The following LHX5 variants were observed in gnomAD, a reference collection of about 807,000 sequenced individuals.
LHX5 encodes LIM/homeobox protein Lhx5.
A neutral mutation model predicts 30.6 loss-of-function variants in LHX5; 5 were observed. That is an observed-to-expected ratio of 0.16 (90% CI 0.09 to 0.34). The LOEUF (loss-of-function observed/expected upper bound fraction) is 0.34. LHX5 is among the 10% of genes least tolerant of loss of function. The probability of loss-of-function intolerance (pLI) is 1.00; values close to 1 mark genes in which losing one functional copy is unlikely to be tolerated. For missense variants in LHX5, 458 were observed against 570.6 expected (o/e 0.80, Z 2.01); for synonymous variants, 266 against 252.6 (o/e 1.05, Z -0.50).
chr12:113,470,285 G>T (rs1958240449), intron 1 of LHX5, among the ~76,000 whole-genome samples: 3 of 152,166 alleles, frequency 2.0e-5, no homozygotes, highest in Non-Finnish European at 4.4e-5. Flanking sequence ...GGGCGAATTT[G>T]GGTGACATTG....
In LHX5 at chr12:113,463,010, G is replaced by C. The variant is rs2136975200; in HGVS notation, c.*180C>G. On this transcript the variant is annotated 3_prime_UTR_variant, in exon 5 of 5. Coordinates refer to ENST00000261731, the MANE Select transcript of LHX5 (RefSeq NM_022363.3). The surrounding 1 kb of genome is among the most constrained non-coding windows in gnomAD (Gnocchi z 6.7). ...CTGGAGAGCCCGCGGGGTGGAGATG[G>C]GGGTCGGCCCCCCCTCGGCGCCCAG... is the stretch of plus-strand genomic sequence containing the variant. 1.8e-6 allele frequency: 1 copy of C among 566,302 alleles called. No homozygotes were observed. The highest frequency in any genetic ancestry group is 3.5e-5 in the East Asian group (1 of 28,582). 35.1% of individuals were successfully genotyped at this position (566,302 alleles called of 1,614,324 possible). A position where few individuals can be genotyped will look rare whatever the true frequency, so the allele number is the denominator to read the frequency against.
chr12:113,463,229 C>T lies in LHX5; in HGVS notation c.1170G>A (p.Ser390=), dbSNP rs1958187439. 6.6e-7 allele frequency: 1 copy of T among 1,524,532 alleles called. No homozygotes were observed. Among genetic ancestry groups the T allele is most frequent in the Non-Finnish European group, 8.8e-7 (1 of 1,141,196 alleles). The allele number at this position is 1,524,532 out of a possible 1,614,324, so 94.4% of individuals were successfully genotyped here. A position where few individuals can be genotyped will look rare whatever the true frequency, so the allele number is the denominator to read the frequency against. ...CTTCGTTGAGCTCGGGGTTGGGATG[C>T]GACAGGGGTCCGCTGTAGCCGCTGG... ...SGTSGYSGPL[S]HPNPELNEAA... Residue 390 remains serine, a synonymous_variant, in exon 5 of 5, where the codon TCG becomes TCA. Transcript: ENST00000261731. This position sits in a 1 kb window ranked among gnomAD's most constrained non-coding sequence, Gnocchi z 6.7.
Position 113,467,323 on chromosome 12 carries a change from C to A in LHX5, c.774G>T (p.Met258Ile). The A allele has an allele frequency of 6.3e-7, 1 of 1,576,854 alleles. No homozygotes were observed. Residue 258 changes from methionine (M) to isoleucine (I), a missense_variant, in exon 4 of 5, where the codon ATG becomes ATT. Physicochemically the swap from Met to Ile is conservative, Grantham distance 10 (BLOSUM62 1). This residue lies in a region of LHX5 where 255 missense variants were observed against 246.8 expected (regional missense o/e 1.03). Coordinates refer to ENST00000261731, the MANE Select transcript of LHX5 (RefSeq NM_022363.3). The surrounding 1 kb of genome is among the most constrained non-coding windows in gnomAD (Gnocchi z 6.3). ...RHAFFRSPRRMRPLGGRLDES... is the reference protein window; with the variant it reads ...RHAFFRSPRRIRPLGGRLDES... The stretch of plus-strand genomic sequence containing the variant: ...CGTCCAAGCGGCCGCCCAGCGGACG[C>A]ATGCGCCGCGGACTCCGGAAGAAGG...
At chr12:113,468,017 G>C (rs894832527) in intron 3 of LHX5, 110 bp downstream of exon 3, 6 of 1,407,812 alleles carry the variant, frequency 4.3e-6, no homozygotes, top group Non-Finnish European at 5.6e-6. Flanking sequence ...TCTGCTCCCA[G>C]ACCAGAACCA....
Position 113,463,582 on chromosome 12 carries a change from A to T in LHX5, c.842-25T>A. On this transcript the variant is annotated intron_variant, in intron 4 of 4. Transcript: ENST00000261731. This position sits in a 1 kb window ranked among gnomAD's most constrained non-coding sequence, Gnocchi z 6.7. ...TCTGCGGAGGGGGAGCGGGAAGGAG[A>T]CAGGGCGCGGTGAGAGAAGGCGAAG... The T allele has an allele frequency of 2.0e-6, 3 of 1,494,326 alleles. No individual in the cohort carries two copies. The highest frequency in any genetic ancestry group is 2.7e-6 in the Non-Finnish European group (3 of 1,127,954). 92.6% of individuals were successfully genotyped at this position (1,494,326 alleles called of 1,614,324 possible).
Position 113,462,929 on chromosome 12 carries a change from G to T in LHX5, c.*261C>A. 2.5e-6 allele frequency: 1 copy of T among 406,910 alleles called. No homozygotes were observed. The highest frequency in any genetic ancestry group is 4.4e-6 in the Non-Finnish European group (1 of 227,380). The allele number at this position is 406,910 out of a possible 1,614,324, so 25.2% of individuals were successfully genotyped here. On this transcript the variant is annotated 3_prime_UTR_variant, in exon 5 of 5. Coordinates refer to ENST00000261731, the MANE Select transcript of LHX5 (RefSeq NM_022363.3). ...CTTGACCCTCCGGAGTATTGACTTT[G>T]GTCCCAAGAAATTGCTCGCGGTTGC... is the stretch of plus-strand genomic sequence containing the variant.
intron 2 of LHX5, 147 bp from the exon 3 acceptor site, chr12:113,468,551 G>T: frequency 9.5e-7 from 1 of 1,050,780 alleles, no homozygotes; most frequent in Non-Finnish European, 1.3e-6. Flanking sequence ...ACCTGCGACA[G>T]CCCCTCCCCC....
chr12:113,468,117 C>G lies in LHX5; in HGVS notation c.675+10G>C, dbSNP rs769563461. The G allele has an allele frequency of 1.0e-5, 16 of 1,540,864 alleles. No individual in the cohort carries two copies. In the African/African-American group the frequency reaches 1.4e-4, roughly 13 times the overall value. ...CGGGGCTAAGGAGCTGTGCCCGCCC[C>G]GGGCCGCACCTGGATGACGCGCATG... On this transcript the variant is annotated intron_variant, in intron 3 of 4. Transcript: ENST00000261731.
In LHX5 at chr12:113,467,540, C is replaced by T. The variant is rs909272714; in HGVS notation, c.676-119G>A. 1 of 992,524 alleles carries T rather than the reference C, an allele frequency of 1.0e-6. No individual in the cohort carries two copies. The highest frequency in any genetic ancestry group is 2.7e-5 in the South Asian group (1 of 36,722). 61.5% of individuals were successfully genotyped at this position (992,524 alleles called of 1,614,324 possible). A position where few individuals can be genotyped will look rare whatever the true frequency, so the allele number is the denominator to read the frequency against. On this transcript the variant is annotated intron_variant, in intron 3 of 4. Coordinates refer to ENST00000261731, the MANE Select transcript of LHX5 (RefSeq NM_022363.3). The surrounding 1 kb of genome is among the most constrained non-coding windows in gnomAD (Gnocchi z 6.3). The stretch of plus-strand genomic sequence containing the variant: ...TTGCGCCTCTTCCGCACCAGGACTC[C>T]CCCGAGGCGGGGCCGGGCCGGATTA...
At position 113,469,216 on chromosome 12, in the gene LHX5, G is replaced by A. The variant is rs374968201; in HGVS notation, c.303C>T (p.Thr101=). 306 of 1,614,130 alleles carry A rather than the reference G, an allele frequency of 1.9e-4. 1 individual carries two copies. The highest frequency in any genetic ancestry group is 2.3e-4 in the South Asian group (21 of 91,094). Residue 101 remains threonine, a synonymous_variant, in exon 2 of 5, where the codon ACC becomes ACT. Coordinates refer to ENST00000261731, the MANE Select transcript of LHX5 (RefSeq NM_022363.3). The part of the protein sequence containing the change: ...TCMVCNKQLS[T]GEELYVIDEN... ...CGTCGATGACGTAGAGCTCCTCGCCGGTGGACAGCTGCTTGTTACACACCA... is the reference window on the plus strand; with the variant it reads ...CGTCGATGACGTAGAGCTCCTCGCCAGTGGACAGCTGCTTGTTACACACCA...
At position 113,466,070 on chromosome 12, in the gene LHX5, T is replaced by G. The variant is rs1958213903; in HGVS notation, c.841+1186A>C. 6.6e-6 allele frequency among the ~76,000 whole-genome samples: 1 copy of G among 152,222 alleles called. No homozygotes were observed. Among genetic ancestry groups the G allele is most frequent in the East Asian group, 1.9e-4 (1 of 5,200 alleles). On this transcript the variant is annotated intron_variant, in intron 4 of 4. Transcript: ENST00000261731. This position sits in a 1 kb window ranked among gnomAD's most constrained non-coding sequence, Gnocchi z 6.5. ...TGCTGAGGTTAGTGATGGGGTTATC[T>G]TCCCTTCCCTTCTGCGTCTACCTGG...
rs760379467 is a variant in LHX5 at position 113,462,292 on chromosome 12, G to C, written c.*898C>G. On this transcript the variant is annotated 3_prime_UTR_variant, in exon 5 of 5. Transcript: ENST00000261731. Reference sequence around the variant, plus strand: ...CTAGAAGCGTTCAACTTCCAAAAAAGTATAATATTGTACATCCTGACGGCC... The same window carrying C: ...CTAGAAGCGTTCAACTTCCAAAAAACTATAATATTGTACATCCTGACGGCC... 1 of 152,162 alleles carries C rather than the reference G, an allele frequency of 6.6e-6. No homozygotes were observed. The highest frequency in any genetic ancestry group is 2.4e-5 in the African/African-American group (1 of 41,432). 9.4% of individuals were successfully genotyped at this position (152,162 alleles called of 1,614,324 possible). A position where few individuals can be genotyped will look rare whatever the true frequency, so the allele number is the denominator to read the frequency against.
Position 113,471,621 on chromosome 12 carries a change from G to A in LHX5, c.-123C>T, listed in dbSNP as rs1218539843. On this transcript the variant is annotated 5_prime_UTR_variant, in exon 1 of 5. Coordinates refer to ENST00000261731, the MANE Select transcript of LHX5 (RefSeq NM_022363.3). The stretch of plus-strand genomic sequence containing the variant: ...AGCAGCTGCAGGGCGAGTCTGGTCC[G>A]GACCAAGACTCAGCCGGTCCAGTCC... 3 of 947,638 alleles carry A rather than the reference G, an allele frequency of 3.2e-6. No homozygotes were observed. Among genetic ancestry groups the A allele is most frequent in the African/African-American group, 1.7e-5 (1 of 60,216 alleles). 58.7% of individuals were successfully genotyped at this position (947,638 alleles called of 1,614,324 possible).
In LHX5 at chr12:113,471,803, C is replaced by G. The variant is rs552804232; in HGVS notation, c.-305G>C. The G allele has an allele frequency of 2.9e-4, 109 of 378,936 alleles. No individual in the cohort carries two copies. Among genetic ancestry groups the G allele is most frequent in the African/African-American group, 2.1e-3 (101 of 47,444 alleles). 23.5% of individuals were successfully genotyped at this position (378,936 alleles called of 1,614,324 possible). On this transcript the variant is annotated 5_prime_UTR_variant, in exon 1 of 5. Coordinates refer to ENST00000261731, the MANE Select transcript of LHX5 (RefSeq NM_022363.3). ...TGCTGGCCTCGGCGCTGCGGAGCGG[C>G]TTTCCCCGGTGGCGGAGGCGCCGGC...
chr12:113,467,416 C>A lies in LHX5; in HGVS notation c.681G>T (p.Trp227Cys). The A allele has an allele frequency of 6.4e-7, 1 of 1,555,556 alleles. No individual in the cohort carries two copies. The highest frequency in any genetic ancestry group is 8.7e-7 in the Non-Finnish European group (1 of 1,143,554). Reference protein sequence around the residue: ...TGLNMRVIQVWFQNRRSKERR... With the variant: ...TGLNMRVIQVCFQNRRSKERR... Reference sequence around the variant, plus strand: ...GTTCTTTGGACCGTCGGTTCTGAAACCACACCTGGGACAGAGGAGGGGGCT... The same window carrying A: ...GTTCTTTGGACCGTCGGTTCTGAAAACACACCTGGGACAGAGGAGGGGGCT... The change falls in exon 4 of 5, where the codon TGG (tryptophan) becomes TGT (cysteine). Residue 227 changes from tryptophan (W) to cysteine (C), a missense_variant. Physicochemically the swap from Trp to Cys is radical, Grantham distance 215. Coordinates refer to ENST00000261731, the MANE Select transcript of LHX5 (RefSeq NM_022363.3). This position sits in a 1 kb window ranked among gnomAD's most constrained non-coding sequence, Gnocchi z 6.3.
rs969778077 is a variant in LHX5, at chr12:113,466,488, C to T, written c.841+768G>A. 2.0e-5 allele frequency among the ~76,000 whole-genome samples: 3 copies of T among 152,216 alleles called. No individual in the cohort carries two copies. The East Asian group carries it at 5.8e-4, about 29-fold the overall frequency. On this transcript the variant is annotated intron_variant, in intron 4 of 4. Coordinates refer to ENST00000261731, the MANE Select transcript of LHX5 (RefSeq NM_022363.3). This position sits in a 1 kb window ranked among gnomAD's most constrained non-coding sequence, Gnocchi z 6.5. ...AAGCCCTTTGTAAACTGGGGCTCCT[C>T]GCTCTCTGCAGCCCCAAAGACGGTG...
At position 113,466,049 on chromosome 12, in the gene LHX5, G is replaced by C. The variant is rs1236443075; in HGVS notation, c.841+1207C>G. 6.6e-6 allele frequency among the ~76,000 whole-genome samples: 1 copy of C among 152,240 alleles called. No individual in the cohort carries two copies. Among genetic ancestry groups the C allele is most frequent in the African/African-American group, 2.4e-5 (1 of 41,462 alleles). ...CCCCCCTCAGGCTTCCGGATGTGCTGAGGTTAGTGATGGGGTTATCTTCCC... is the reference window on the plus strand; with the variant it reads ...CCCCCCTCAGGCTTCCGGATGTGCTCAGGTTAGTGATGGGGTTATCTTCCC... On this transcript the variant is annotated intron_variant, in intron 4 of 4. Coordinates refer to ENST00000261731, the MANE Select transcript of LHX5 (RefSeq NM_022363.3). The surrounding 1 kb of genome is among the most constrained non-coding windows in gnomAD (Gnocchi z 6.5).
In LHX5 at chr12:113,464,588, GGGA is replaced by G. The variant is rs1260947138; in HGVS notation, c.842-1034_842-1032del. On this transcript the variant is annotated intron_variant, in intron 4 of 4. Transcript: ENST00000261731. The surrounding 1 kb of genome is among the most constrained non-coding windows in gnomAD (Gnocchi z 6.2). ...CTGAGCTCCAGCGACTTGGGAGAGGGGGAGGAGGACACGAAGATTCTCTGGGTC... is the reference window on the plus strand; with the variant it reads ...CTGAGCTCCAGCGACTTGGGAGAGGGGGAGGACACGAAGATTCTCTGGGTC... Among the ~76,000 whole-genome samples, 3 of 152,294 alleles carry G rather than the reference GGGA, an allele frequency of 2.0e-5. No individual in the cohort carries two copies. The East Asian group carries it at 5.8e-4, about 30-fold the overall frequency.
In LHX5 at chr12:113,468,305, G is replaced by A. The variant is rs1285111455; in HGVS notation, c.497C>T (p.Thr166Met). ...CTGCTCCTCGTTCTCGTTGTTGGCCGTCTCCTTGTCCGACGAGGTCGAGTT... is the reference window on the plus strand; with the variant it reads ...CTGCTCCTCGTTCTCGTTGTTGGCCATCTCCTTGTCCGACGAGGTCGAGTT... The part of the protein sequence containing the change: ...TDNSTSSDKE[T>M]ANNENEEQNS... Residue 166 changes from threonine (T) to methionine (M), a missense_variant, in exon 3 of 5, where the codon ACG (threonine) becomes ATG (methionine). Physicochemically the swap from Thr to Met is moderately conservative, Grantham distance 81. Coordinates refer to ENST00000261731, the MANE Select transcript of LHX5 (RefSeq NM_022363.3). The A allele has an allele frequency of 6.2e-7, 1 of 1,614,178 alleles. No homozygotes were observed. Among genetic ancestry groups the A allele is most frequent in the Non-Finnish European group, 8.5e-7 (1 of 1,179,982 alleles).
Sources: gnomAD v4.1 joint callset for allele counts (sites outside exome capture counted in the v4.1 genomes callset) on GRCh38, gnomAD v4.1.1 for gene constraint, gnomAD v4.1.1 regional missense constraint, Gnocchi (gnomAD v3.1) non-coding constraint, MANE v1.5 for transcripts, NCBI Gene and HGNC (gene_info 2026-07-23, HGNC 2026-07-21) for gene names.